Variants in CCDC60 observed in about 807,000 individuals in gnomAD.
The protein encoded by CCDC60 is coiled-coil domain containing 60.
In CCDC60, 54 loss-of-function variants were observed where a neutral mutation model predicts 63.5. The observed-to-expected ratio is 0.85, with a 90% confidence interval of 0.68 to 1.07. CCDC60 has a LOEUF of 1.07. Among genes scored for constraint, CCDC60 ranks in the 50% least tolerant of loss-of-function variants. The pLI is 0.00. For missense variants in CCDC60, 651 were observed against 684.3 expected, an observed-to-expected ratio of 0.95 and a Z score of 0.54; for synonymous variants, 206 against 238.8, an observed-to-expected ratio of 0.86 and a Z score of 1.27.
intron 2 of CCDC60, among the ~76,000 whole-genome samples, chr12:119,447,141 C>T (rs2136274622): frequency 6.6e-6 from 1 of 152,296 alleles, no homozygotes; most frequent in Admixed American, 6.5e-5. Context: ...TTTACATCTG[C>T]TGGGATCCCT....
intron 10 of CCDC60, 57 bp downstream of exon 10, chr12:119,523,058 C>A: frequency 6.9e-7 from 1 of 1,448,918 alleles, no homozygotes; most frequent in Non-Finnish European, 9.7e-7. Context: ...TGACCACACC[C>A]TCTATCTTCC....
At chr12:119,485,373 G>A (rs1051789005) in intron 4 of CCDC60, among the ~76,000 whole-genome samples, 5 of 152,244 alleles carry the variant, frequency 3.3e-5, no homozygotes, top group Non-Finnish European at 5.9e-5. Flanking sequence ...AGGCTGGAGA[G>A]GCGGACGGGG....
At chr12:119,341,529 T>C (rs145264234) in intron 1 of CCDC60, among the ~76,000 whole-genome samples, 5 of 152,314 alleles carry the variant, frequency 3.3e-5, no homozygotes, top group African/African-American at 4.8e-5. Context: ...ATCTATGGCA[T>C]AGATGTTTTG....
chr12:119,357,466 T>A (rs1182996345), intron 1 of CCDC60, among the ~76,000 whole-genome samples: 1 of 152,074 alleles, frequency 6.6e-6, no homozygotes, highest in Non-Finnish European at 1.5e-5. Context: ...AGCTTTTTTT[T>A]TTTTTGAGAT....
intron 1 of CCDC60, among the ~76,000 whole-genome samples, chr12:119,352,828 T>A (rs1955670481): frequency 6.6e-6 from 1 of 152,040 alleles, no homozygotes; most frequent in Non-Finnish European, 1.5e-5. Flanking sequence ...TGATCCAAGC[T>A]ACTTGGGAGG....
chr12:119,536,521 A>C (rs986906993), intron 13 of CCDC60, among the ~76,000 whole-genome samples: 9 of 152,130 alleles, frequency 5.9e-5, no homozygotes, highest in Non-Finnish European at 1.0e-4. Context: ...GATGGTCTTT[A>C]CAATTTGGCA....
chr12:119,420,399 G>A lies in CCDC60; in HGVS notation c.91-8284G>A, dbSNP rs1488165492. 6.6e-6 allele frequency among the ~76,000 whole-genome samples: 1 copy of A among 152,156 alleles called. No individual in the cohort carries two copies. The highest frequency in any genetic ancestry group is 1.5e-5 in the Non-Finnish European group (1 of 68,036). On this transcript the variant is annotated intron_variant, in intron 1 of 13. Transcript: ENST00000327554. The surrounding 1 kb of genome is among the most constrained non-coding windows in gnomAD (Gnocchi z 4.1). ...AAAAAAGAGTGAGATCCAGTTATTT[G>A]CAACAACATGGATGGAACTGGAGAT... is the stretch of plus-strand genomic sequence containing the variant.
In CCDC60 at chr12:119,472,175, G is replaced by A; in HGVS notation, c.341+11G>A. 2 of 1,612,632 alleles carry A rather than the reference G, an allele frequency of 1.2e-6. No homozygotes were observed. Among genetic ancestry groups the A allele is most frequent in the South Asian group, 1.1e-5 (1 of 90,954 alleles). On this transcript the variant is annotated intron_variant, in intron 3 of 13. Coordinates refer to ENST00000327554, the MANE Select transcript of CCDC60 (RefSeq NM_178499.5). ...GGACACCTTATTGAGGTAAGTGGAT[G>A]CAGTAGCTGTGGCACTGAAGGTTTT...
At chr12:119,472,622 C>G (rs1312942523) in intron 3 of CCDC60, among the ~76,000 whole-genome samples, 3 of 148,390 alleles carry the variant, frequency 2.0e-5, no homozygotes, top group Non-Finnish European at 3.0e-5. Context: ...GCTCTGTTGC[C>G]CAGGCTGGAG....
At chr12:119,368,727 A>G (rs1404447431) in intron 1 of CCDC60, among the ~76,000 whole-genome samples, 1 of 152,218 alleles carries the variant, frequency 6.6e-6, no homozygotes, top group Non-Finnish European at 1.5e-5. Context: ...ACACAGGTTC[A>G]TGAATGTGCC....
chr12:119,432,289 C>T (rs884034), intron 2 of CCDC60, among the ~76,000 whole-genome samples: 85,807 of 151,928 alleles, frequency 0.56, 24,492 homozygotes, highest in East Asian at 0.75. Flanking sequence ...GATGGCATGG[C>T]GAGGGATGAG....
intron 1 of CCDC60, among the ~76,000 whole-genome samples, chr12:119,372,651 C>T (rs1955909079): frequency 1.3e-5 from 2 of 152,152 alleles, no homozygotes; most frequent in Admixed American, 1.3e-4. Flanking sequence ...AATCCCCACT[C>T]AGAGAGATAT....
chr12:119,472,218 G>A (rs1951077065), intron 3 of CCDC60, 54 bp downstream of exon 3: 1 of 1,549,500 alleles, frequency 6.5e-7, no homozygotes, highest in Non-Finnish European at 8.9e-7. Flanking sequence ...ACCATTGAGA[G>A]TGAACCCTGC....
intron 7 of CCDC60, among the ~76,000 whole-genome samples, chr12:119,506,605 C>T (rs1202383106): frequency 2.0e-5 from 3 of 151,858 alleles, no homozygotes; most frequent in Non-Finnish European, 4.4e-5. Context: ...GTGCAAGACC[C>T]TGTCTCAAAA....
At chr12:119,517,379 C>T (rs1952383682) in intron 8 of CCDC60, among the ~76,000 whole-genome samples, 1 of 152,140 alleles carries the variant, frequency 6.6e-6, no homozygotes, top group African/African-American at 2.4e-5. Flanking sequence ...ATTCATTCCT[C>T]CTTTGAGTGA....
At chr12:119,365,654 A>G (rs1202125472) in intron 1 of CCDC60, among the ~76,000 whole-genome samples, 1 of 152,244 alleles carries the variant, frequency 6.6e-6, no homozygotes, top group Non-Finnish European at 1.5e-5. Context: ...TAGAACTGCC[A>G]ATTAACTTTA....
intron 1 of CCDC60, among the ~76,000 whole-genome samples, chr12:119,359,679 G>C (rs1308868551): frequency 1.4e-5 from 2 of 145,758 alleles, no homozygotes; most frequent in Middle Eastern, 3.6e-3. Flanking sequence ...AGGACCCTGC[G>C]GCCTTCCGCA....
chr12:119,457,746 T>C (rs1435333305), intron 2 of CCDC60, among the ~76,000 whole-genome samples: 1 of 152,178 alleles, frequency 6.6e-6, no homozygotes, highest in Non-Finnish European at 1.5e-5. Flanking sequence ...CACATCCTTT[T>C]GTCTGAAAGG....
chr12:119,418,200 T>C (rs866614147), intron 1 of CCDC60, among the ~76,000 whole-genome samples: 2 of 152,056 alleles, frequency 1.3e-5, no homozygotes, highest in African/African-American at 4.8e-5. Context: ...ATATATAATA[T>C]GTGTGTATAT....
Sources: allele counts gnomAD v4.1 joint callset (sites outside exome capture counted in the v4.1 genomes callset), GRCh38; gene constraint gnomAD v4.1.1; non-coding constraint Gnocchi (gnomAD v3.1); transcripts MANE v1.5; gene names NCBI Gene and HGNC (gene_info 2026-07-23, HGNC 2026-07-21).